Variants in MECOM observed in about 807,000 individuals in gnomAD.
MECOM encodes the protein MDS1 and EVI1 complex locus.
A neutral mutation model predicts 116.3 loss-of-function variants in MECOM; 13 were observed. That is an observed-to-expected ratio of 0.11 (90% CI 0.07 to 0.18). The LOEUF is 0.18. MECOM is among the 10% of genes least tolerant of loss of function. The pLI, the probability that MECOM is intolerant of heterozygous loss-of-function variation, is 1.00. For missense variants in MECOM, 1,299 were observed against 1,509.0 expected (o/e 0.86, Z 2.31); for synonymous variants, 528 against 535.2 (o/e 0.99, Z 0.19).
chr3:169,638,176 C>T (rs1478925301), intron 1 of MECOM, among the ~76,000 whole-genome samples: 1 of 152,156 alleles, frequency 6.6e-6, no homozygotes, highest in Non-Finnish European at 1.5e-5. Context: ...TGCCTACACA[C>T]TCAGAGCACT....
chr3:169,296,246 A>G (rs1229020889), intron 2 of MECOM, among the ~76,000 whole-genome samples: 1 of 152,154 alleles, frequency 6.6e-6, no homozygotes, highest in African/African-American at 2.4e-5. Flanking sequence ...ATCTTAGGTT[A>G]AGTTTTCAGG....
chr3:169,413,106 G>A (rs975553907), intron 1 of MECOM, among the ~76,000 whole-genome samples: 1 of 152,228 alleles, frequency 6.6e-6, no homozygotes, highest in African/African-American at 2.4e-5. Flanking sequence ...AGCTCCCAGT[G>A]AGACCAATGC....
intron 2 of MECOM, among the ~76,000 whole-genome samples, chr3:169,205,694 A>G: frequency 6.6e-6 from 1 of 152,198 alleles, no homozygotes; most frequent in East Asian, 1.9e-4. Context: ...ACACACATTC[A>G]AATAGAAGCT....
chr3:169,113,831 C>G (rs1728236340), intron 8 of MECOM, among the ~76,000 whole-genome samples: 1 of 151,830 alleles, frequency 6.6e-6, no homozygotes. Context: ...GATGTTATAT[C>G]CATTTTATGC....
intron 1 of MECOM, among the ~76,000 whole-genome samples, chr3:169,549,169 A>T (rs1033364365): frequency 5.3e-5 from 8 of 151,988 alleles, no homozygotes; most frequent in Admixed American, 2.0e-4. Context: ...ACAGGGTTAC[A>T]CCATGTTGGC....
intron 2 of MECOM, among the ~76,000 whole-genome samples, chr3:169,204,595 C>T (rs575609103): frequency 1.3e-5 from 2 of 152,252 alleles, no homozygotes; most frequent in African/African-American, 4.8e-5. Flanking sequence ...AAAGAGTATT[C>T]AGATTTATTG....
intron 2 of MECOM, among the ~76,000 whole-genome samples, chr3:169,294,603 A>AAAAC (rs1294256510): frequency 6.6e-6 from 1 of 152,162 alleles, no homozygotes; most frequent in Admixed American, 6.5e-5. Context: ...AGCCACTAGA[A>AAAAC]AAACAAACAA....
chr3:169,559,555 G>T (rs912297290), intron 1 of MECOM, among the ~76,000 whole-genome samples: 2 of 152,126 alleles, frequency 1.3e-5, no homozygotes, highest in Non-Finnish European at 2.9e-5. Context: ...ACCATGTTCT[G>T]CCCTTTAACA....
intron 1 of MECOM, among the ~76,000 whole-genome samples, chr3:169,579,022 G>A (rs1475604426): frequency 4.6e-5 from 7 of 152,190 alleles, no homozygotes; most frequent in Admixed American, 4.6e-4. Context: ...AACATTGTAT[G>A]TTAATAACCA....
At chr3:169,143,021 A>G (rs945863019) in intron 3 of MECOM, among the ~76,000 whole-genome samples, 3 of 152,020 alleles carry the variant, frequency 2.0e-5, no homozygotes, top group Non-Finnish European at 4.4e-5. Flanking sequence ...TACAAGATTC[A>G]TAACCTAATT....
chr3:169,278,608 T>C (rs948064890), intron 2 of MECOM, among the ~76,000 whole-genome samples: 1 of 152,234 alleles, frequency 6.6e-6, no homozygotes, highest in Non-Finnish European at 1.5e-5. Flanking sequence ...GGTTCATCTA[T>C]ATAACTACAA....
At chr3:169,587,173 AT>A (rs1430165959) in intron 1 of MECOM, among the ~76,000 whole-genome samples, 2 of 152,012 alleles carry the variant, frequency 1.3e-5, no homozygotes, top group African/African-American at 4.8e-5. Flanking sequence ...TGAGCATCTA[AT>A]TTTTTTGCCA....
At chr3:169,089,363 A>G (rs1275951439) in intron 15 of MECOM, among the ~76,000 whole-genome samples, 180 bp from the exon 16 acceptor site, 5 of 152,124 alleles carry the variant, frequency 3.3e-5, no homozygotes, top group African/African-American at 1.2e-4. Flanking sequence ...TTAAAAATAT[A>G]TTTCTGTTAA....
intron 1 of MECOM, among the ~76,000 whole-genome samples, chr3:169,628,873 C>T (rs1230735136): frequency 6.6e-6 from 1 of 152,098 alleles, no homozygotes; most frequent in African/African-American, 2.4e-5. Context: ...AGCTATTGGG[C>T]CCTGAGGAGC....
intron 2 of MECOM, among the ~76,000 whole-genome samples, chr3:169,210,378 A>T (rs1385678653): frequency 6.6e-6 from 1 of 152,170 alleles, no homozygotes; most frequent in Admixed American, 6.6e-5. Flanking sequence ...AACAAAAAAC[A>T]AAAATAGCTG....
At chr3:169,355,233 G>A (rs1727055617) in intron 2 of MECOM, among the ~76,000 whole-genome samples, 1 of 151,868 alleles carries the variant, frequency 6.6e-6, no homozygotes, top group Admixed American at 6.6e-5. Context: ...TTAGTTCTGT[G>A]TTTTACAAAA....
chr3:169,222,209 T>C (rs1752220779), intron 2 of MECOM, among the ~76,000 whole-genome samples: 2 of 152,226 alleles, frequency 1.3e-5, no homozygotes, highest in South Asian at 4.1e-4. Context: ...TAAATTATTT[T>C]CTGAGGTCCA....
intron 2 of MECOM, among the ~76,000 whole-genome samples, chr3:169,217,969 C>T (rs1334166975): frequency 2.0e-5 from 3 of 151,194 alleles, no homozygotes; most frequent in African/African-American, 7.3e-5. Flanking sequence ...TTTTATTATA[C>T]ATCCTAAATT....
At chr3:169,447,465 G>A (rs953475468) in intron 1 of MECOM, among the ~76,000 whole-genome samples, 3 of 152,100 alleles carry the variant, frequency 2.0e-5, no homozygotes, top group African/African-American at 7.2e-5. Context: ...CTGACTCTGA[G>A]TTTGAGATGT....
Sources: allele counts gnomAD v4.1 joint callset (sites outside exome capture counted in the v4.1 genomes callset), GRCh38; gene constraint gnomAD v4.1.1; transcripts MANE v1.5; gene names NCBI Gene and HGNC (gene_info 2026-07-23, HGNC 2026-07-21).